The following HMCN2 variants were observed in gnomAD, a reference collection of about 807,000 sequenced individuals.
HMCN2 encodes the protein hemicentin 2, also known as hemicentin-2.
Under a neutral mutation model 377.5 loss-of-function variants are expected in HMCN2, and 325 were observed. The ratio of observed to expected loss-of-function variants is 0.86; its 90% CI spans 0.79 to 0.94. HMCN2 has a LOEUF of 0.94. Ranked by LOEUF, HMCN2 falls within the 40% of genes least tolerant of loss-of-function variation. The probability of loss-of-function intolerance (pLI) is 0.00; values close to 1 mark genes in which losing one functional copy is unlikely to be tolerated. For synonymous variants in HMCN2, 2,007 were observed against 2,046.8 expected (o/e 0.98, Z 0.53); for missense variants, 4,543 against 4,725.3 (o/e 0.96, Z 1.13).
At chr9:130,378,779 A>G (rs1042271384) in intron 53 of HMCN2, among the ~76,000 whole-genome samples, 1 of 152,038 alleles carries the variant, frequency 6.6e-6, no homozygotes, top group Non-Finnish European at 1.5e-5. Context: ...TGGCTCTGTC[A>G]TGAACTGGTT....
intron 31 of HMCN2, 85 bp downstream of exon 31, chr9:130,353,290 C>A: frequency 1.7e-6 from 2 of 1,205,292 alleles, no homozygotes; most frequent in South Asian, 2.7e-5. Flanking sequence ...CAAAGGAAGG[C>A]TAGGTGGCCA....
rs772626815 is a variant in HMCN2, at chr9:130,405,993, C to T, written c.12378C>T (p.Asn4126=). 142 of 1,289,618 alleles carry T rather than the reference C, an allele frequency of 1.1e-4. 1 individual carries two copies. The highest frequency in any genetic ancestry group is 6.8e-4 in the South Asian group (55 of 80,980). The allele number at this position is 1,289,618 out of a possible 1,614,324, so 79.9% of individuals were successfully genotyped here. A position where few individuals can be genotyped will look rare whatever the true frequency, so the allele number is the denominator to read the frequency against. The change falls in exon 82 of 98, where the codon AAC becomes AAT. Residue 4126 remains asparagine, a synonymous_variant. Transcript: ENST00000683500. ...GCACCTATACCTGTACCGCTGAGAA[C>T]GCCGTGGGCCGGGCCCGCCGCCGCG... ...DAGTYTCTAE[N]AVGRARRRVH...
At position 130,285,210 on chromosome 9, in the gene HMCN2, A is replaced by G. The variant is rs1554927214; in HGVS notation, c.383A>G (p.Glu128Gly). The G allele has an allele frequency of 4.2e-6, 2 of 471,092 alleles. No individual in the cohort carries two copies. 29.2% of individuals were successfully genotyped at this position (471,092 alleles called of 1,614,324 possible). A position where few individuals can be genotyped will look rare whatever the true frequency, so the allele number is the denominator to read the frequency against. The change falls in exon 3 of 98, where the codon GAG becomes GGG. Residue 128 changes from glutamate to glycine, a missense_variant. This residue lies in a region of HMCN2 where 547 missense variants were observed against 189.9 expected (regional missense o/e 2.88). Coordinates refer to ENST00000683500, the MANE Select transcript of HMCN2 (RefSeq NM_001291815.2). The part of the protein sequence containing the change: ...MSVGAIKAAV[E>G]VANPGSFIYV... Reference sequence around the variant, plus strand: ...GTGGGGGCCATTAAGGCTGCCGTGGAGGTTGCCAACCCCGGATCCTTCATC... The same window carrying G: ...GTGGGGGCCATTAAGGCTGCCGTGGGGGTTGCCAACCCCGGATCCTTCATC...
Position 130,402,860 on chromosome 9 carries a change from G to A in HMCN2, c.11842G>A (p.Gly3948Ser), listed in dbSNP as rs564307966. 1.7e-5 allele frequency: 22 copies of A among 1,289,772 alleles called. No homozygotes were observed. The East Asian group carries it at 3.9e-4, about 23-fold the overall frequency. 79.9% of individuals were successfully genotyped at this position (1,289,772 alleles called of 1,614,324 possible). ...CACCTGCTCAGCCCGCAACTCTGCCGGCGTAGCCCACAAGCACGTCTTCCT... is the reference window on the plus strand; with the variant it reads ...CACCTGCTCAGCCCGCAACTCTGCCAGCGTAGCCCACAAGCACGTCTTCCT... ...RYTCSARNSA[G>S]VAHKHVFLTV... The change falls in exon 78 of 98, where the codon GGC (glycine) becomes AGC (serine). Residue 3948 changes from glycine (G) to serine (S), a missense_variant. Coordinates refer to ENST00000683500, the MANE Select transcript of HMCN2 (RefSeq NM_001291815.2).
At chr9:130,333,142 C>A (rs1838514805) in intron 22 of HMCN2, among the ~76,000 whole-genome samples, 1 of 152,192 alleles carries the variant, frequency 6.6e-6, no homozygotes, top group Non-Finnish European at 1.5e-5. Context: ...CTACTGTGGA[C>A]CAGGCCAGGG....
intron 4 of HMCN2, among the ~76,000 whole-genome samples, 161 bp from the exon 5 acceptor site, chr9:130,294,684 GAGCCTATGGA>G (rs1208393240): frequency 6.6e-6 from 1 of 152,198 alleles, no homozygotes; most frequent in African/African-American, 2.4e-5. Context: ...TCACAGCTTG[GAGCCTATGGA>G]AGCCAGGAGG....
At chr9:130,396,673 G>T (rs1842623660) in intron 73 of HMCN2, among the ~76,000 whole-genome samples, 1 of 152,092 alleles carries the variant, frequency 6.6e-6, no homozygotes, top group Admixed American at 6.6e-5. Flanking sequence ...CCCAGCCCCA[G>T]GTTTACAGCT....
intron 15 of HMCN2, among the ~76,000 whole-genome samples, chr9:130,314,815 G>A (rs1289177044): frequency 5.3e-5 from 8 of 152,174 alleles, no homozygotes; most frequent in Non-Finnish European, 7.4e-5. Flanking sequence ...AGAGCTGTAA[G>A]GTACCAGGAC....
intron 1 of HMCN2, among the ~76,000 whole-genome samples, chr9:130,284,267 G>A (rs1194311457): frequency 1.3e-5 from 2 of 152,132 alleles, no homozygotes; most frequent in East Asian, 3.9e-4. Context: ...ACTGGCAGCC[G>A]GTGGGATGTT....
chr9:130,296,454 G>A (rs1187368987), intron 6 of HMCN2, among the ~76,000 whole-genome samples: 1 of 152,240 alleles, frequency 6.6e-6, no homozygotes, highest in Non-Finnish European at 1.5e-5. Context: ...ACAGCCTCAA[G>A]AGGGCTGCTC....
chr9:130,296,591 TG>T, intron 6 of HMCN2, 82 bp from the exon 7 acceptor site: 1 of 435,254 alleles, frequency 2.3e-6, no homozygotes. Flanking sequence ...GATGCAGGGC[TG>T]GGTCAGGTTG....
rs376711945 is a variant in HMCN2 at position 130,421,581 on chromosome 9, C to T, written c.13232-996C>T. Among the ~76,000 whole-genome samples, 128 of 152,260 alleles carry T rather than the reference C, an allele frequency of 8.4e-4. 1 individual carries two copies. Among genetic ancestry groups the T allele is most frequent in the African/African-American group, 2.9e-3 (120 of 41,540 alleles). On this transcript the variant is annotated intron_variant, in intron 86 of 97. Transcript: ENST00000683500. ...TTTCCTGTCCCCTTCCAAAGCTGCG[C>T]GGGTCACACTCCAGCCTTCTCATCT...
At chr9:130,331,186 T>G (rs1437968375) in intron 22 of HMCN2, among the ~76,000 whole-genome samples, 1 of 150,392 alleles carries the variant, frequency 6.6e-6, no homozygotes, top group African/African-American at 2.5e-5. Flanking sequence ...AAAGTAACAT[T>G]CCAGGGCGCT....
chr9:130,356,254 C>T lies in HMCN2; in HGVS notation c.5422C>T (p.His1808Tyr). ...TAGAEVEVSVHEFPSVSIIGG... is the reference protein window; with the variant it reads ...TAGAEVEVSVYEFPSVSIIGG... ...CGGGGCCGAGGTGGAGGTGTCTGTG[C>T]ATGGTGAGTGGGCGCCTGGGGTTCT... Residue 1808 changes from histidine to tyrosine, a missense_variant, in exon 34 of 98, where the codon CAT becomes TAT. His to Tyr is a moderately conservative substitution (Grantham distance 83). Coordinates refer to ENST00000683500, the MANE Select transcript of HMCN2 (RefSeq NM_001291815.2). The T allele has an allele frequency of 7.7e-7, 1 of 1,294,838 alleles. No individual in the cohort carries two copies. Among genetic ancestry groups the T allele is most frequent in the South Asian group, 1.3e-5 (1 of 79,620 alleles). 80.2% of individuals were successfully genotyped at this position (1,294,838 alleles called of 1,614,324 possible). A position where few individuals can be genotyped will look rare whatever the true frequency, so the allele number is the denominator to read the frequency against.
chr9:130,388,277 A>T, intron 61 of HMCN2, 132 bp from the exon 62 acceptor site: 3 of 560,456 alleles, frequency 5.4e-6, no homozygotes, highest in Non-Finnish European at 6.8e-6. Flanking sequence ...TTCTATTTAC[A>T]TTTGTGAATA....
chr9:130,432,468 C>A lies in HMCN2; in HGVS notation c.14807C>A (p.Pro4936His). ...GAGGAGGAGAGCATCGAGTGTGGACCCGGCCAGATGTGCTTCAACACCCGT... is the reference window on the plus strand; with the variant it reads ...GAGGAGGAGAGCATCGAGTGTGGACACGGCCAGATGTGCTTCAACACCCGT... ...ECEEESIECG[P>H]GQMCFNTRGS... The change falls in exon 97 of 98, where the codon CCC becomes CAC. Residue 4936 changes from proline (P) to histidine (H), a missense_variant. Coordinates refer to ENST00000683500, the MANE Select transcript of HMCN2 (RefSeq NM_001291815.2). The A allele has an allele frequency of 6.4e-7, 1 of 1,550,970 alleles. No individual in the cohort carries two copies. The highest frequency in any genetic ancestry group is 8.7e-7 in the Non-Finnish European group (1 of 1,147,066).
At chr9:130,275,948 C>T (rs1325312095) in intron 1 of HMCN2, among the ~76,000 whole-genome samples, 2 of 151,962 alleles carry the variant, frequency 1.3e-5, no homozygotes, top group East Asian at 1.9e-4. Context: ...GATGGGTTGG[C>T]GGGGAGTGGC....
intron 4 of HMCN2, among the ~76,000 whole-genome samples, chr9:130,287,505 C>T (rs1366941403): frequency 2.2e-5 from 3 of 135,878 alleles, no homozygotes; most frequent in Admixed American, 1.6e-4. Flanking sequence ...GAGCCAAGAT[C>T]GTGCCATTGC....
Position 130,395,915 on chromosome 9 carries a change from G to A in HMCN2, c.10912-9G>A. ...ATAAGGGTCTGTCCACCCTGGCGGG[G>A]CTCTCCAGGAGGACGCCCACACACA... On this transcript the variant is annotated splice_polypyrimidine_tract_variant and intron_variant, in intron 71 of 97. Transcript: ENST00000683500. 3.1e-6 allele frequency: 4 copies of A among 1,285,602 alleles called. No individual in the cohort carries two copies. The highest frequency in any genetic ancestry group is 4.1e-6 in the Non-Finnish European group (4 of 987,530). 79.6% of individuals were successfully genotyped at this position (1,285,602 alleles called of 1,614,324 possible).
Sources: allele counts gnomAD v4.1 joint callset (sites outside exome capture counted in the v4.1 genomes callset), GRCh38; gene constraint gnomAD v4.1.1; regional missense constraint gnomAD v4.1.1; transcripts MANE v1.5; gene names NCBI Gene and HGNC (gene_info 2026-07-23, HGNC 2026-07-21).